Variants in SMARCA1 observed in about 807,000 individuals in gnomAD.
The protein encoded by SMARCA1 is SNF2 related chromatin remodeling ATPase 1.
SMARCA1 carries 17 observed loss-of-function variants against 93.6 expected under a neutral mutation model. The observed-to-expected ratio is 0.18, with a 90% CI of 0.12 to 0.27. The LOEUF is 0.27. Ranked by LOEUF, SMARCA1 falls within the 10% of genes least tolerant of loss-of-function variation. SMARCA1 has a pLI of 1.00. For missense variants in SMARCA1, 630 were observed against 819.0 expected, an observed-to-expected ratio of 0.77 and a Z score of 2.82; for synonymous variants, 271 against 271.4, an observed-to-expected ratio of 1.00 and a Z score of 0.01.
chrX:129,474,421 A>C (rs754398879), intron 19 of SMARCA1, among the ~76,000 whole-genome samples: 11 of 110,233 alleles, frequency 1.0e-4, no homozygotes, highest in Non-Finnish European at 2.1e-4. Context: ...ATAAACATCC[A>C]ATTCATGACA....
At chrX:129,498,130 T>A (rs765817420) in intron 10 of SMARCA1, 59 bp from the exon 11 acceptor site, 18 of 699,321 alleles carry the variant, frequency 2.6e-5, no homozygotes, top group Non-Finnish European at 4.0e-5. Flanking sequence ...CATAAACAAA[T>A]GTTCCTTTGG....
At chrX:129,491,075 T>C (rs1447292036) in intron 14 of SMARCA1, among the ~76,000 whole-genome samples, 2 of 111,694 alleles carry the variant, frequency 1.8e-5, no homozygotes, top group South Asian at 3.8e-4. Flanking sequence ...TTCAATACCA[T>C]CGTAATGCAA....
At chrX:129,514,028 C>G (rs188858306) in intron 5 of SMARCA1, among the ~76,000 whole-genome samples, 2 of 112,804 alleles carry the variant, frequency 1.8e-5, no homozygotes, top group Non-Finnish European at 3.8e-5. Context: ...TTAATTTGGT[C>G]TTAAAATACA....
At chrX:129,460,768 C>T (rs1256458224) in intron 23 of SMARCA1, among the ~76,000 whole-genome samples, 9 of 111,577 alleles carry the variant, frequency 8.1e-5, no homozygotes, top group Non-Finnish European at 1.3e-4. Context: ...ATTTGACTGT[C>T]ATTTTTCTAA....
intron 23 of SMARCA1, among the ~76,000 whole-genome samples, chrX:129,462,387 C>G (rs1932821217): frequency 9.0e-6 from 1 of 111,511 alleles, no homozygotes; most frequent in African/African-American, 3.2e-5. Context: ...ATTCACTATA[C>G]AGAAGAGTTA....
chrX:129,493,681 T>A (rs1934211261), intron 12 of SMARCA1, among the ~76,000 whole-genome samples: 1 of 111,913 alleles, frequency 8.9e-6, no homozygotes, highest in African/African-American at 3.2e-5. Flanking sequence ...GAGACACAGT[T>A]TCAAATGGAG....
intron 18 of SMARCA1, 69 bp downstream of exon 18, chrX:129,481,006 C>G (rs951391701): frequency 1.5e-6 from 1 of 678,311 alleles, no homozygotes; most frequent in African/African-American, 2.2e-5. Flanking sequence ...ACAAGTAAAT[C>G]TGACCCATAG....
intron 23 of SMARCA1, among the ~76,000 whole-genome samples, chrX:129,464,220 T>G (rs1945656539): frequency 8.9e-6 from 1 of 112,438 alleles, no homozygotes; most frequent in South Asian, 3.6e-4. Flanking sequence ...TCCTTTCCTT[T>G]TATTCAACTT....
At chrX:129,518,732 A>T in intron 1 of SMARCA1, 1 of 165,828 alleles carries the variant, frequency 6.0e-6, no homozygotes. Flanking sequence ...TTTCTCATCC[A>T]TTCTTTAATT....
At chrX:129,481,584 C>T (rs1933663915) in intron 17 of SMARCA1, among the ~76,000 whole-genome samples, 1 of 111,488 alleles carries the variant, frequency 9.0e-6, no homozygotes, top group South Asian at 3.8e-4. Context: ...TGAAAAAATG[C>T]TCATCATCAC....
At chrX:129,481,393 T>C (rs1167076851) in intron 17 of SMARCA1, among the ~76,000 whole-genome samples, 1 of 112,588 alleles carries the variant, frequency 8.9e-6, no homozygotes, top group Non-Finnish European at 1.9e-5. Context: ...TTTATTTTTA[T>C]TTGAAAGTAG....
intron 9 of SMARCA1, among the ~76,000 whole-genome samples, chrX:129,504,311 G>A (rs1934690742): frequency 9.0e-6 from 1 of 110,751 alleles, no homozygotes; most frequent in Non-Finnish European, 1.9e-5. Flanking sequence ...AAACAGAATG[G>A]GTGGAGGATA....
intron 23 of SMARCA1, among the ~76,000 whole-genome samples, chrX:129,465,314 G>T (rs1403420146): frequency 9.0e-6 from 1 of 111,407 alleles, no homozygotes; most frequent in Non-Finnish European, 1.9e-5. Context: ...ATAGAATATA[G>T]ATGTCCCCGT....
intron 5 of SMARCA1, among the ~76,000 whole-genome samples, chrX:129,513,133 T>C (rs1214661981): frequency 8.9e-6 from 1 of 112,359 alleles, no homozygotes; most frequent in Non-Finnish European, 1.9e-5. Flanking sequence ...TAGCTGTGGT[T>C]ACTTCTAAGT....
intron 17 of SMARCA1, 150 bp from the exon 18 acceptor site, chrX:129,481,335 G>A (rs1754661744): frequency 6.9e-6 from 3 of 432,518 alleles, no homozygotes; most frequent in Non-Finnish European, 1.2e-5. Context: ...TACCTCCAAA[G>A]TTCCAAAACA....
intron 19 of SMARCA1, among the ~76,000 whole-genome samples, chrX:129,477,946 C>G (rs773365423): frequency 9.0e-6 from 1 of 111,220 alleles, no homozygotes; most frequent in East Asian, 2.8e-4. Context: ...TCACCAGTCC[C>G]TAACAACACT....
chrX:129,503,350 G>A (rs1219845753), intron 9 of SMARCA1, among the ~76,000 whole-genome samples: 1 of 112,357 alleles, frequency 8.9e-6, no homozygotes, highest in Non-Finnish European at 1.9e-5. Context: ...CACTCTGCTA[G>A]TAAGCAGCAG....
Position 129,504,549 on chromosome X carries a change from T to TAAAAA in SMARCA1, c.1167+180_1167+184dup, listed in dbSNP as rs780225300. 9.8e-3 allele frequency among the ~76,000 whole-genome samples: 236 copies of TAAAAA among 24,184 alleles called. 40 individuals are homozygous for TAAAAA. Among genetic ancestry groups the TAAAAA allele is most frequent in the East Asian group, 0.035 (20 of 566 alleles). The allele number at this position is 24,184 out of a possible 115,157, so 21.0% of individuals were successfully genotyped here. A position where few individuals can be genotyped will look rare whatever the true frequency, so the allele number is the denominator to read the frequency against. Reference sequence around the variant, plus strand: ...GAGAGAGGCTGAGGACATAGAGGAATAAAAAAAAAAAAAAAAAAAAAAAAA... The same window carrying TAAAAA: ...GAGAGAGGCTGAGGACATAGAGGAATAAAAAAAAAAAAAAAAAAAAAAAAAAAAAA... On this transcript the variant is annotated intron_variant, in intron 9 of 24. Transcript: ENST00000371121.
intron 11 of SMARCA1, 38 bp from the exon 12 acceptor site, chrX:129,496,909 T>C: frequency 8.6e-7 from 1 of 1,166,277 alleles, no homozygotes; most frequent in Non-Finnish European, 1.2e-6. Flanking sequence ...GTTGTACAAC[T>C]TGTGTGAAAC....
Sources: gnomAD v4.1 joint callset for allele counts (sites outside exome capture counted in the v4.1 genomes callset) on GRCh38, gnomAD v4.1.1 for gene constraint, MANE v1.5 for transcripts, NCBI Gene and HGNC (gene_info 2026-07-23, HGNC 2026-07-21) for gene names.